The following DNAH8 variants were observed in gnomAD, a reference collection of about 807,000 sequenced individuals.
DNAH8 encodes the protein dynein axonemal heavy chain 8, also known as axonemal beta dynein heavy chain 8.
Under a neutral mutation model 562.1 loss-of-function variants are expected in DNAH8, and 382 were observed. The ratio of observed to expected loss-of-function variants is 0.68; its 90% CI spans 0.63 to 0.74. The LOEUF (loss-of-function observed/expected upper bound fraction) is 0.74, where lower values mean the gene tolerates loss of function less well. Ranked by LOEUF, DNAH8 falls within the 30% of genes least tolerant of loss-of-function variation. The probability of loss-of-function intolerance (pLI) is 0.00; values close to 1 mark genes in which losing one functional copy is unlikely to be tolerated. For missense variants in DNAH8, 5,203 were observed against 5,620.4 expected (o/e 0.93, Z 2.37); for synonymous variants, 1,881 against 1,919.4 (o/e 0.98, Z 0.52).
Position 38,786,750 on chromosome 6 carries a change from ATTAT to A in DNAH8, c.2396-8_2396-5del, listed in dbSNP as rs759328118. On this transcript the variant is annotated splice_polypyrimidine_tract_variant and intron_variant, in intron 17 of 92. Coordinates refer to ENST00000327475, the MANE Select transcript of DNAH8 (RefSeq NM_001206927.2). ...AAATTCAGAATGAGTAATGTCAATC[ATTAT>A]TTATTTGTAGCTTTACAAGCCACGC... The A allele has an allele frequency of 3.7e-6, 6 of 1,608,116 alleles. No homozygotes were observed. Among genetic ancestry groups the A allele is most frequent in the East Asian group, 2.2e-5 (1 of 44,770 alleles).
chr6:38,783,147 T>A lies in DNAH8; in HGVS notation c.2395+8T>A. The A allele has an allele frequency of 1.2e-6, 2 of 1,612,936 alleles. No individual in the cohort carries two copies. The highest frequency in any genetic ancestry group is 4.5e-5 in the East Asian group (2 of 44,854). On this transcript the variant is annotated splice_region_variant and intron_variant, in intron 17 of 92. Coordinates refer to ENST00000327475, the MANE Select transcript of DNAH8 (RefSeq NM_001206927.2). Reference sequence around the variant, plus strand: ...TTTCACAGTTGCATTACGGTGTGTATAACACTGCCATGAGCCTACAAAGTA... The same window carrying A: ...TTTCACAGTTGCATTACGGTGTGTAAAACACTGCCATGAGCCTACAAAGTA...
Position 38,908,014 on chromosome 6 carries a change from T to A in DNAH8, c.9407T>A (p.Val3136Glu). Reference sequence around the variant, plus strand: ...GAAATCACCCAAGGTCTGATTTCAGTGATGAAGAGGGAGCTACCTCGCCAT... The same window carrying A: ...GAAATCACCCAAGGTCTGATTTCAGAGATGAAGAGGGAGCTACCTCGCCAT... ...MDEITQGLIS[V>E]MKRELPRHPP... Residue 3136 changes from valine to glutamate, a missense_variant, in exon 64 of 93, where the codon GTG becomes GAG. Around this residue, in one of 6 missense-constraint regions of DNAH8, gnomAD observed 977 missense variants for 1,061.8 expected, o/e 0.92. Transcript: ENST00000327475. 1 of 1,612,764 alleles carries A rather than the reference T, an allele frequency of 6.2e-7. No individual in the cohort carries two copies. The highest frequency in any genetic ancestry group is 8.5e-7 in the Non-Finnish European group (1 of 1,179,522).
rs780800732 is a variant in DNAH8 at position 38,722,576 on chromosome 6, G to GT, written c.-34-200_-34-199insT. ...TTAAAGTCTGAAAAAGCTCCCAGGTGGGTGGGGGTGTGTGTGTGTGTGTGT... is the reference window on the plus strand; with the variant it reads ...TTAAAGTCTGAAAAAGCTCCCAGGTGTGGTGGGGGTGTGTGTGTGTGTGTGT... On this transcript the variant is annotated intron_variant, in intron 1 of 92. Coordinates refer to ENST00000327475, the MANE Select transcript of DNAH8 (RefSeq NM_001206927.2). Among the ~76,000 whole-genome samples, 44,835 of 151,060 alleles carry GT rather than the reference G, an allele frequency of 0.3. 6,851 individuals are homozygous for GT. Among genetic ancestry groups the GT allele is most frequent in the Admixed American group, 0.35 (5,253 of 15,156 alleles).
rs1030696500 is a variant in DNAH8 at position 38,852,686 on chromosome 6, T to G, written c.5467-8T>G. On this transcript the variant is annotated splice_region_variant and splice_polypyrimidine_tract_variant and intron_variant, in intron 39 of 92. Coordinates refer to ENST00000327475, the MANE Select transcript of DNAH8 (RefSeq NM_001206927.2). Reference sequence around the variant, plus strand: ...GCCTCATGTGTGACGTTTTCCTCTGTCTTACAGCCGCATCTCCCTGCAGTA... The same window carrying G: ...GCCTCATGTGTGACGTTTTCCTCTGGCTTACAGCCGCATCTCCCTGCAGTA... The G allele has an allele frequency of 6.2e-7, 1 of 1,608,480 alleles. No homozygotes were observed. Among genetic ancestry groups the G allele is most frequent in the Non-Finnish European group, 8.5e-7 (1 of 1,176,062 alleles).
intron 82 of DNAH8, among the ~76,000 whole-genome samples, chr6:38,969,708 T>TG (rs998233726): frequency 1.4e-4 from 4 of 29,626 alleles, no homozygotes; most frequent in South Asian, 1.1e-3. Flanking sequence ...AAGGTGTGTG[T>TG]GGGGGGGAGT....
chr6:39,006,478 A>G (rs1488872709), intron 88 of DNAH8, among the ~76,000 whole-genome samples: 1 of 152,102 alleles, frequency 6.6e-6, no homozygotes, highest in African/African-American at 2.4e-5. Context: ...TCTGATTCTG[A>G]TTTCTGTTGT....
intron 83 of DNAH8, 75 bp from the exon 84 acceptor site, chr6:38,973,586 A>C (rs945190457): frequency 8.1e-7 from 1 of 1,237,490 alleles, no homozygotes; most frequent in African/African-American, 1.5e-5. Flanking sequence ...TTTTAAAAAA[A>C]GTGCACATTT....
At chr6:38,900,622 C>CTT (rs548790228) in intron 62 of DNAH8, among the ~76,000 whole-genome samples, 18 of 145,986 alleles carry the variant, frequency 1.2e-4, no homozygotes, top group African/African-American at 3.5e-4. Flanking sequence ...TTTAGCAAAT[C>CTT]TTTTTTTTTT....
intron 53 of DNAH8, among the ~76,000 whole-genome samples, chr6:38,881,303 T>C (rs931943715): frequency 6.6e-6 from 1 of 152,242 alleles, no homozygotes; most frequent in Non-Finnish European, 1.5e-5. Context: ...CCAATATCAA[T>C]GTATGCTTTC....
chr6:38,898,268 T>C lies in DNAH8; in HGVS notation c.8951T>C (p.Phe2984Ser). 1 of 1,593,050 alleles carries C rather than the reference T, an allele frequency of 6.3e-7. No individual in the cohort carries two copies. Among genetic ancestry groups the C allele is most frequent in the Middle Eastern group, 1.7e-4 (1 of 6,032 alleles). ...VPKIYELMPS[F>S]DFLAEKLQFY... Reference sequence around the variant, plus strand: ...TCTCTCCACCCATAGATGCCATCCTTTGACTTTCTGGCTGAAAAACTCCAG... The same window carrying C: ...TCTCTCCACCCATAGATGCCATCCTCTGACTTTCTGGCTGAAAAACTCCAG... Residue 2984 changes from phenylalanine (F) to serine (S), a missense_variant, in exon 61 of 93, where the codon TTT becomes TCT. Phe to Ser is a radical substitution (Grantham distance 155). Around this residue, in one of 6 missense-constraint regions of DNAH8, gnomAD observed 977 missense variants for 1,061.8 expected, o/e 0.92. Transcript: ENST00000327475.
chr6:38,988,625 C>A (rs971817738), intron 87 of DNAH8, among the ~76,000 whole-genome samples: 5 of 152,008 alleles, frequency 3.3e-5, no homozygotes, highest in Non-Finnish European at 7.4e-5. Context: ...CATGATATGA[C>A]CTCACCTCAC....
chr6:38,859,166 C>A (rs1321326397), intron 42 of DNAH8, among the ~76,000 whole-genome samples: 2 of 152,192 alleles, frequency 1.3e-5, no homozygotes, highest in African/African-American at 4.8e-5. Flanking sequence ...AATATATTAA[C>A]TATTCTTCTT....
At position 38,789,793 on chromosome 6, in the gene DNAH8, C is replaced by A; in HGVS notation, c.2584-10C>A. On this transcript the variant is annotated splice_polypyrimidine_tract_variant and intron_variant, in intron 18 of 92. Transcript: ENST00000327475. ...ATTAAAATAAAACATGCCATTTCAA[C>A]TTCCTACAGGGTCTTCTGCAATATT... 1 of 1,587,428 alleles carries A rather than the reference C, an allele frequency of 6.3e-7. No individual in the cohort carries two copies. The highest frequency in any genetic ancestry group is 8.6e-7 in the Non-Finnish European group (1 of 1,167,174).
At chr6:38,809,826 G>T (rs979389017) in intron 24 of DNAH8, among the ~76,000 whole-genome samples, 8 of 152,108 alleles carry the variant, frequency 5.3e-5, no homozygotes, top group Non-Finnish European at 1.2e-4. Context: ...TGGCTGTGTT[G>T]TTAGGTGCAT....
intron 88 of DNAH8, among the ~76,000 whole-genome samples, chr6:39,003,807 T>C (rs1472100536): frequency 6.6e-6 from 1 of 152,232 alleles, no homozygotes; most frequent in Non-Finnish European, 1.5e-5. Flanking sequence ...GTCTGATTAT[T>C]GCTTCTAAAA....
chr6:38,934,437 T>C (rs1782794535), intron 76 of DNAH8, among the ~76,000 whole-genome samples: 1 of 152,118 alleles, frequency 6.6e-6, no homozygotes, highest in Admixed American at 6.5e-5. Context: ...ACATTAGATG[T>C]ACAGATGAAG....
In DNAH8 at chr6:38,862,475, G is replaced by A; in HGVS notation, c.6310+17G>A. On this transcript the variant is annotated intron_variant, in intron 44 of 92. Transcript: ENST00000327475. ...TTTTCAAAGGCAAGTGTCAAATAATGTAGATTATTTTAGGTGAATTTATTT... is the reference window on the plus strand; with the variant it reads ...TTTTCAAAGGCAAGTGTCAAATAATATAGATTATTTTAGGTGAATTTATTT... 3 of 1,588,136 alleles carry A rather than the reference G, an allele frequency of 1.9e-6. No individual in the cohort carries two copies. The highest frequency in any genetic ancestry group is 2.6e-6 in the Non-Finnish European group (3 of 1,168,244).
rs371974750 is a variant in DNAH8, at chr6:38,725,025, G to A, written c.525+1554G>A. Among the ~76,000 whole-genome samples, 396 of 151,984 alleles carry A rather than the reference G, an allele frequency of 2.6e-3. 4 individuals are homozygous for A. The highest frequency in any genetic ancestry group is 9.3e-3 in the African/African-American group (384 of 41,452). On this transcript the variant is annotated intron_variant, in intron 3 of 92. Transcript: ENST00000327475. Reference sequence around the variant, plus strand: ...GTGCCTAAAAGAGCTACTCCCGGCCGGGCGCAGTAGCTCACACCTGTAATC... The same window carrying A: ...GTGCCTAAAAGAGCTACTCCCGGCCAGGCGCAGTAGCTCACACCTGTAATC...
chr6:38,715,960 ATTT>A lies in DNAH8; in HGVS notation c.-35+559_-35+561del, dbSNP rs869120118. Among the ~76,000 whole-genome samples, 155 of 23,582 alleles carry A rather than the reference ATTT, an allele frequency of 6.6e-3. 5 individuals carry two copies. Among genetic ancestry groups the A allele is most frequent in the Admixed American group, 0.013 (19 of 1,472 alleles). 15.5% of individuals were successfully genotyped at this position (23,582 alleles called of 152,430 possible). ...TATATATATATATATATATATATAT[ATTT>A]TTTTTTTTTTTTTGAGACGGAGTCT... is the stretch of plus-strand genomic sequence containing the variant. On this transcript the variant is annotated intron_variant, in intron 1 of 92. Coordinates refer to ENST00000327475, the MANE Select transcript of DNAH8 (RefSeq NM_001206927.2).
Sources: allele counts gnomAD v4.1 joint callset (sites outside exome capture counted in the v4.1 genomes callset), GRCh38; gene constraint gnomAD v4.1.1; regional missense constraint gnomAD v4.1.1; transcripts MANE v1.5; gene names NCBI Gene and HGNC (gene_info 2026-07-23, HGNC 2026-07-21).